ZC4H2: variants seen among roughly 807,000 people sequenced by gnomAD.
ZC4H2 encodes the protein zinc finger C4H2 domain-containing protein.
For missense variants in ZC4H2, 137 were observed against 173.9 expected (o/e 0.79, Z 1.19); for synonymous variants, 84 against 66.3 (o/e 1.27, Z -1.30).
intron 1 of ZC4H2, among the ~76,000 whole-genome samples, chrX:64,924,597 G>A (rs1030707699): frequency 1.8e-5 from 2 of 111,571 alleles, no homozygotes; most frequent in Admixed American, 1.9e-4. Flanking sequence ...AGGGTAAAGG[G>A]GACAGTCAGA....
chrX:64,962,509 C>T (rs781648517), intron 1 of ZC4H2, among the ~76,000 whole-genome samples: 3 of 111,373 alleles, frequency 2.7e-5, no homozygotes, highest in Non-Finnish European at 5.7e-5. Context: ...CCACTCTTGA[C>T]ATTTCTATTC....
chrX:64,976,763 G>T (rs112094852), upstream of ZC4H2, among the ~76,000 whole-genome samples: 2 of 111,593 alleles, frequency 1.8e-5, no homozygotes, highest in African/African-American at 3.3e-5. Context: ...ATACCCATTC[G>T]CTCCCTTCGG....
At chrX:64,994,465 G>C (rs1932371021) in intron 1 of ZC4H2, among the ~76,000 whole-genome samples, 1 of 111,854 alleles carries the variant, frequency 8.9e-6, no homozygotes, top group African/African-American at 3.3e-5. Context: ...GTTCAAATTA[G>C]GATATTCTTA....
intron 1 of ZC4H2, 76 bp downstream of exon 1, chrX:64,976,249 C>A: frequency 9.0e-7 from 1 of 1,113,262 alleles, no homozygotes. Flanking sequence ...GACAAACAGC[C>A]CAACAATAGA....
intron 1 of ZC4H2, among the ~76,000 whole-genome samples, chrX:65,024,611 A>G (rs887660418): frequency 8.9e-6 from 1 of 111,811 alleles, no homozygotes; most frequent in African/African-American, 3.3e-5. Flanking sequence ...TAATCGCCAC[A>G]CTATTCACAA....
intron 1 of ZC4H2, among the ~76,000 whole-genome samples, chrX:64,935,417 C>A (rs901719532): frequency 8.9e-6 from 1 of 112,282 alleles, no homozygotes; most frequent in Non-Finnish European, 1.9e-5. Context: ...TTAAAGGTCA[C>A]TGTGTGACAG....
intron 1 of ZC4H2, among the ~76,000 whole-genome samples, chrX:64,984,192 T>C (rs1369838090): frequency 1.8e-5 from 2 of 111,713 alleles, no homozygotes; most frequent in Non-Finnish European, 3.8e-5. Context: ...CATGTGATAT[T>C]CTATTTTCTG....
At chrX:65,030,431 T>C (rs1207825025) in intron 1 of ZC4H2, among the ~76,000 whole-genome samples, 1 of 112,078 alleles carries the variant, frequency 8.9e-6, no homozygotes, top group Non-Finnish European at 1.9e-5. Flanking sequence ...ATATTATATG[T>C]CAAGACAAAC....
At chrX:64,970,924 C>T (rs773745206) in intron 1 of ZC4H2, among the ~76,000 whole-genome samples, 18 of 111,369 alleles carry the variant, frequency 1.6e-4, no homozygotes, top group African/African-American at 5.2e-4. Flanking sequence ...ATGGAAACAC[C>T]GATAGGTAAA....
At chrX:64,943,254 G>A (rs980216612) in intron 1 of ZC4H2, among the ~76,000 whole-genome samples, 1 of 112,112 alleles carries the variant, frequency 8.9e-6, no homozygotes, top group Admixed American at 9.5e-5. Flanking sequence ...CTTCCTTTAT[G>A]TGGTTGATTT....
intron 1 of ZC4H2, among the ~76,000 whole-genome samples, chrX:65,020,628 C>G (rs1932829662): frequency 1.8e-5 from 2 of 111,643 alleles, no homozygotes; most frequent in African/African-American, 6.5e-5. Context: ...ACTGCATCAA[C>G]TAATGGGAAA....
chrX:64,920,313 A>G, intron 2 of ZC4H2, 60 bp from the exon 3 acceptor site: 2 of 1,109,723 alleles, frequency 1.8e-6, no homozygotes, highest in Non-Finnish European at 1.2e-6. Context: ...GAGAGGATCT[A>G]TAGCTGAGTG....
At chrX:64,962,140 G>A (rs188138237) in intron 1 of ZC4H2, among the ~76,000 whole-genome samples, 2 of 111,627 alleles carry the variant, frequency 1.8e-5, no homozygotes, top group East Asian at 5.6e-4. Context: ...TATCTCTGAT[G>A]AATATACAGG....
chrX:64,939,311 A>T (rs938076151), intron 1 of ZC4H2, among the ~76,000 whole-genome samples: 3 of 112,268 alleles, frequency 2.7e-5, no homozygotes, highest in African/African-American at 9.7e-5. Context: ...ATGGAAAAAC[A>T]TTCCATGCTT....
chrX:64,971,310 G>T (rs1444913048), intron 1 of ZC4H2, among the ~76,000 whole-genome samples: 2 of 112,172 alleles, frequency 1.8e-5, no homozygotes, highest in Non-Finnish European at 3.8e-5. Flanking sequence ...TGTAGACAGG[G>T]AAGTAATTCT....
chrX:64,929,316 A>C (rs1929632048), intron 1 of ZC4H2, among the ~76,000 whole-genome samples: 1 of 111,580 alleles, frequency 9.0e-6, no homozygotes. Flanking sequence ...CCCACTCTAT[A>C]GGCTGTCTGT....
At chrX:65,006,246 A>G (rs1291875789) in intron 1 of ZC4H2, among the ~76,000 whole-genome samples, 1 of 111,812 alleles carries the variant, frequency 8.9e-6, no homozygotes, top group Non-Finnish European at 1.9e-5. Flanking sequence ...TCTACTATAA[A>G]GACGCATGCA....
chrX:64,951,473 A>C (rs1239496613), intron 1 of ZC4H2, among the ~76,000 whole-genome samples: 2 of 111,635 alleles, frequency 1.8e-5, no homozygotes, highest in Admixed American at 9.5e-5. Context: ...TTGTTTCCTG[A>C]CTTTTTAATG....
At chrX:65,010,086 A>G (rs1015742676) in intron 1 of ZC4H2, among the ~76,000 whole-genome samples, 1 of 112,672 alleles carries the variant, frequency 8.9e-6, no homozygotes, top group African/African-American at 3.2e-5. Flanking sequence ...AAACTAATGT[A>G]TAAAACAACC....
Sources: allele counts gnomAD v4.1 joint callset (sites outside exome capture counted in the v4.1 genomes callset), GRCh38; gene constraint gnomAD v4.1.1; transcripts MANE v1.5; gene names NCBI Gene and HGNC (gene_info 2026-07-23, HGNC 2026-07-21).